The following LTBP4 variants were observed in gnomAD, a reference collection of about 807,000 sequenced individuals.
LTBP4 encodes the protein latent transforming growth factor beta binding protein 4.
In LTBP4, 93 loss-of-function variants were observed where a neutral mutation model predicts 180.2. That is an observed-to-expected ratio of 0.52 (90% CI 0.44 to 0.61). The LOEUF (loss-of-function observed/expected upper bound fraction) is 0.61, where lower values mean the gene tolerates loss of function less well. Among genes scored for constraint, LTBP4 ranks in the 20% least tolerant of loss-of-function variants. The pLI is 0.00. For missense variants in LTBP4, 2,116 were observed against 2,256.5 expected (o/e 0.94, Z 1.26); for synonymous variants, 947 against 934.5 (o/e 1.01, Z -0.24).
chr19:40,629,590 C>G lies in LTBP4; in HGVS notation c.*40C>G. On this transcript the variant is annotated 3_prime_UTR_variant, in exon 30 of 30. Transcript: ENST00000396819. The surrounding 1 kb of genome is among the most constrained non-coding windows in gnomAD (Gnocchi z 4.5). ...TGGCCGCCCACCCGCGCCCGCCACT[C>G]GGGGCCCCTGCCGCGCATCCTGCAG... The G allele has an allele frequency of 7.5e-7, 1 of 1,341,474 alleles. No homozygotes were observed. The highest frequency in any genetic ancestry group is 9.5e-7 in the Non-Finnish European group (1 of 1,048,708). 83.1% of individuals were successfully genotyped at this position (1,341,474 alleles called of 1,614,324 possible). A position where few individuals can be genotyped will look rare whatever the true frequency, so the allele number is the denominator to read the frequency against.
At position 40,605,595 on chromosome 19, in the gene LTBP4, C is replaced by T. The variant is rs749677616; in HGVS notation, c.633C>T (p.Asp211=). ...TGGCACAGAGCGCGCCGCGGGAGGA[C>T]GGCTACTCAGATGCCTCGGGCTTCG... The part of the protein sequence containing the change: ...TVLAQSAPRE[D]GYSDASGFGY... The change falls in exon 3 of 30, where the codon GAC becomes GAT. Residue 211 remains aspartate, a synonymous_variant. Transcript: ENST00000396819. The surrounding 1 kb of genome is among the most constrained non-coding windows in gnomAD (Gnocchi z 5.5). The T allele has an allele frequency of 1.2e-6, 2 of 1,600,280 alleles. No individual in the cohort carries two copies. The highest frequency in any genetic ancestry group is 1.7e-6 in the Non-Finnish European group (2 of 1,173,526).
At chr19:40,608,902 CA>C (rs538438732) in intron 9 of LTBP4, 1,240 of 82,602 alleles carry the variant, frequency 0.015, 2 homozygotes, top group South Asian at 0.047. Context: ...CACTCCATCT[CA>C]AAAAAAAAAA....
chr19:40,619,302 C>A (rs1201392754), intron 21 of LTBP4, 45 bp from the exon 22 acceptor site: 2 of 1,591,592 alleles, frequency 1.3e-6, no homozygotes, highest in Non-Finnish European at 1.7e-6. Flanking sequence ...ATCATAGAAG[C>A]TTATAACCAC....
rs570569288 is a variant in LTBP4, at chr19:40,620,219, C to T, written c.3217+726C>T. 3.5e-4 allele frequency among the ~76,000 whole-genome samples: 52 copies of T among 148,914 alleles called. No individual in the cohort carries two copies. In the South Asian group the frequency reaches 6.4e-3, roughly 18 times the overall value. On this transcript the variant is annotated intron_variant, in intron 22 of 29. Transcript: ENST00000396819. ...TGCGGTACCGTGGAAGGGGTTTCGG[C>T]GTTTTTTTTTTGAAAATTTTTTTTA...
intron 21 of LTBP4, among the ~76,000 whole-genome samples, chr19:40,617,670 C>T (rs1370068423): frequency 4.9e-5 from 7 of 143,068 alleles, no homozygotes; most frequent in Non-Finnish European, 7.6e-5. Context: ...AAAAAAAAAT[C>T]AGAACTGTTG....
In LTBP4 at chr19:40,608,280, G is replaced by A. The variant is rs574587568; in HGVS notation, c.1217G>A (p.Arg406His). 92 of 1,613,812 alleles carry A rather than the reference G, an allele frequency of 5.7e-5. No homozygotes were observed. The East Asian group carries it at 1.5e-3, about 27-fold the overall frequency. The change falls in exon 8 of 30, where the codon CGC (arginine) becomes CAC (histidine). Residue 406 changes from arginine (R) to histidine (H), a missense_variant. Arg to His is a conservative substitution (Grantham distance 29). Coordinates refer to ENST00000396819, the MANE Select transcript of LTBP4 (RefSeq NM_001042545.2). The stretch of plus-strand genomic sequence containing the variant: ...TACCACTACTCGGCCTCCGACCTCC[G>A]CTACAACACCAGACCCCTGGGCCAG... ...PGYHYSASDL[R>H]YNTRPLGQEP...
rs935761495 is a variant in LTBP4, at chr19:40,629,007, G to A, written c.4520-389G>A. On this transcript the variant is annotated intron_variant, in intron 29 of 29. Coordinates refer to ENST00000396819, the MANE Select transcript of LTBP4 (RefSeq NM_001042545.2). The surrounding 1 kb of genome is among the most constrained non-coding windows in gnomAD (Gnocchi z 4.5). ...TGGGATTACAGGCGCCCGCCACCAT[G>A]CCTGGCTAATTTTTGTATTCTTAGT... Among the ~76,000 whole-genome samples, 1 of 151,936 alleles carries A rather than the reference G, an allele frequency of 6.6e-6. No homozygotes were observed. Among genetic ancestry groups the A allele is most frequent in the Non-Finnish European group, 1.5e-5 (1 of 67,980 alleles).
In LTBP4 at chr19:40,609,484, C is replaced by G. The variant is rs895289428; in HGVS notation, c.1427-46C>G. The stretch of plus-strand genomic sequence containing the variant: ...GGGGGTTTTACTGGGATGAAAGGAA[C>G]GGAGGATTCAGAGATGGGGGAACCC... On this transcript the variant is annotated intron_variant, in intron 9 of 29. Transcript: ENST00000396819. The surrounding 1 kb of genome is among the most constrained non-coding windows in gnomAD (Gnocchi z 4.9). 1 of 1,599,512 alleles carries G rather than the reference C, an allele frequency of 6.3e-7. No homozygotes were observed. Among genetic ancestry groups the G allele is most frequent in the East Asian group, 2.2e-5 (1 of 44,486 alleles).
At chr19:40,607,591 C>T (rs2081472990) in intron 7 of LTBP4, 62 bp downstream of exon 7, 2 of 1,488,718 alleles carry the variant, frequency 1.3e-6, no homozygotes, top group Non-Finnish European at 1.8e-6. Flanking sequence ...TTCTACGCCC[C>T]ACCCTCCAAC....
chr19:40,607,283 A>AAAC, intron 6 of LTBP4, 82 bp from the exon 7 acceptor site: 1 of 1,132,924 alleles, frequency 8.8e-7, no homozygotes, highest in Non-Finnish European at 1.2e-6. Context: ...CAACCCCAGA[A>AAAC]CCATTCCCCT....
Position 40,623,015 on chromosome 19 carries a change from C to T in LTBP4, c.3550C>T (p.Arg1184Trp), listed in dbSNP as rs34051360. 2.7e-4 allele frequency: 434 copies of T among 1,609,866 alleles called. 1 individual carries two copies. The highest frequency in any genetic ancestry group is 1.3e-3 in the Admixed American group (80 of 59,630). ...GGCGCCCAGTGGAGACCTGAGCCTC[C>T]GGAGAGGTGAGGCCAGCCTTTGACC... ...YLAPSGDLSL[R>W]RDVDECQLFR... Residue 1184 changes from arginine (R) to tryptophan (W), a missense_variant, in exon 24 of 30, where the codon CGG becomes TGG. Physicochemically the swap from Arg to Trp is moderately radical, Grantham distance 101 (BLOSUM62 -3). Around this residue, in one of 5 missense-constraint regions of LTBP4, gnomAD observed 278 missense variants for 373.0 expected, o/e 0.75. Transcript: ENST00000396819.
chr19:40,622,841 G>A lies in LTBP4; in HGVS notation c.3485-109G>A. On this transcript the variant is annotated intron_variant, in intron 23 of 29. Transcript: ENST00000396819. The surrounding 1 kb of genome is among the most constrained non-coding windows in gnomAD (Gnocchi z 5.1). ...GGGCAGACATAAGGCTGAGAGGTGG[G>A]CACTAACAGGCACAGGGCCAGAGGG... 7.3e-7 allele frequency: 1 copy of A among 1,374,318 alleles called. No homozygotes were observed. Among genetic ancestry groups the A allele is most frequent in the Non-Finnish European group, 1.0e-6 (1 of 1,003,520 alleles). 85.1% of individuals were successfully genotyped at this position (1,374,318 alleles called of 1,614,324 possible).
rs755890348 is a variant in LTBP4, at chr19:40,616,880, ACT to A, written c.2813-6_2813-5del. On this transcript the variant is annotated splice_region_variant and splice_polypyrimidine_tract_variant and intron_variant, in intron 19 of 29. Transcript: ENST00000396819. ...TTGACTCCCCTTTCATCTCCTCCAC[ACT>A]CTGCAGATGTGGATGAGTGCCAAGA... The A allele has an allele frequency of 1.5e-5, 24 of 1,613,438 alleles. No individual in the cohort carries two copies. Among genetic ancestry groups the A allele is most frequent in the East Asian group, 6.7e-5 (3 of 44,886 alleles).
chr19:40,612,893 G>A (rs2081517166), intron 15 of LTBP4, among the ~76,000 whole-genome samples, 172 bp from the exon 16 acceptor site: 1 of 152,152 alleles, frequency 6.6e-6, no homozygotes, highest in South Asian at 2.1e-4. Context: ...TGCAACCATG[G>A]TCCCCGGAAC....
In LTBP4 at chr19:40,619,502, G is replaced by T. The variant is rs765065001; in HGVS notation, c.3217+9G>T. ...CCCACGAACTTCTGCTGGTGAGACT[G>T]ATGTGTCTATTTAACTGATGGCGGC... On this transcript the variant is annotated intron_variant, in intron 22 of 29. Transcript: ENST00000396819. 2 of 1,603,252 alleles carry T rather than the reference G, an allele frequency of 1.2e-6. No individual in the cohort carries two copies. Among genetic ancestry groups the T allele is most frequent in the Non-Finnish European group, 1.7e-6 (2 of 1,172,786 alleles).
intron 7 of LTBP4, among the ~76,000 whole-genome samples, chr19:40,607,744 C>G (rs1481008398): frequency 6.6e-6 from 1 of 152,224 alleles, no homozygotes; most frequent in Non-Finnish European, 1.5e-5. Context: ...TTCGTAGCCA[C>G]AGCTACCCCG....
At chr19:40,627,942 T>C in intron 29 of LTBP4, 85 bp downstream of exon 29, 2 of 1,480,338 alleles carry the variant, frequency 1.4e-6, no homozygotes, top group African/African-American at 1.4e-5. Context: ...GGGGTGCTGG[T>C]CAGGGACGGG....
chr19:40,605,413 T>C lies in LTBP4; in HGVS notation c.451T>C (p.Ser151Pro). ...NHRDDEHGVA[S>P]MVSVHVEHPQ... ...GGCCGTGCCTCCCCTAGGCGTGGCA[T>C]CTATGGTGAGCGTCCACGTGGAGCA... The change falls in exon 3 of 30, where the codon TCT (serine) becomes CCT (proline). Residue 151 changes from serine to proline, a missense_variant. By Grantham distance (74) the Ser-to-Pro change is moderately conservative. This residue lies in a region of LTBP4 where 469 missense variants were observed against 532.5 expected (regional missense o/e 0.88). Coordinates refer to ENST00000396819, the MANE Select transcript of LTBP4 (RefSeq NM_001042545.2). The surrounding 1 kb of genome is among the most constrained non-coding windows in gnomAD (Gnocchi z 5.5). 6.2e-7 allele frequency: 1 copy of C among 1,612,838 alleles called. No homozygotes were observed. The highest frequency in any genetic ancestry group is 8.5e-7 in the Non-Finnish European group (1 of 1,179,832).
At chr19:40,607,275 A>G in intron 6 of LTBP4, 90 bp from the exon 7 acceptor site, 1 of 657,104 alleles carries the variant, frequency 1.5e-6, no homozygotes, top group Non-Finnish European at 2.2e-6. Context: ...CCCACCCCCA[A>G]CCCCAGAACC....
Sources: allele counts gnomAD v4.1 joint callset (sites outside exome capture counted in the v4.1 genomes callset), GRCh38; gene constraint gnomAD v4.1.1; regional missense constraint gnomAD v4.1.1; non-coding constraint Gnocchi (gnomAD v3.1); transcripts MANE v1.5; gene names NCBI Gene and HGNC (gene_info 2026-07-23, HGNC 2026-07-21).